BPTF: variants seen among roughly 807,000 people sequenced by gnomAD.
BPTF encodes the protein bromodomain PHD finger transcription factor.
Under a neutral mutation model 292.5 loss-of-function variants are expected in BPTF, and 18 were observed. The observed-to-expected ratio is 0.06, with a 90% CI of 0.04 to 0.09. The LOEUF (loss-of-function observed/expected upper bound fraction) is 0.09. Ranked by LOEUF, BPTF falls within the 10% of genes least tolerant of loss-of-function variation. The probability of loss-of-function intolerance (pLI) is 1.00; values close to 1 mark genes in which losing one functional copy is unlikely to be tolerated. For missense variants in BPTF, 2,726 were observed against 3,498.7 expected (o/e 0.78, Z 5.57); for synonymous variants, 1,225 against 1,251.9 (o/e 0.98, Z 0.45).
Position 67,886,375 on chromosome 17 carries a change from T to TTTGTG in BPTF, c.1865-5468_1865-5467insTGTGT, listed in dbSNP as rs1555634839. On this transcript the variant is annotated intron_variant, in intron 4 of 27. Coordinates refer to ENST00000306378, the MANE Select transcript of BPTF (RefSeq NM_182641.4). ...AAGTTTTTTCTTTTTTTTCTTTTTT[T>TTTGTG]TGTGTGTGTGTGTGTGGTTTTTTGC... 11 of 1,221,650 alleles carry TTTGTG rather than the reference T, an allele frequency of 9.0e-6. No individual in the cohort carries two copies. The African/African-American group carries it at 1.5e-4, about 17-fold the overall frequency. 75.7% of individuals were successfully genotyped at this position (1,221,650 alleles called of 1,614,324 possible).
chr17:67,916,270 A>G (rs1294720408), intron 11 of BPTF, among the ~76,000 whole-genome samples: 3 of 152,178 alleles, frequency 2.0e-5, no homozygotes, highest in Admixed American at 6.5e-5. Context: ...TTTCTCTTTC[A>G]CAGTGTTCAT....
intron 1 of BPTF, among the ~76,000 whole-genome samples, chr17:67,829,538 T>G (rs1296635134): frequency 6.8e-6 from 1 of 146,656 alleles, no homozygotes; most frequent in Non-Finnish European, 1.5e-5. Flanking sequence ...CTGGAATGAG[T>G]AACAATGCAT....
chr17:67,893,688 C>T lies in BPTF; in HGVS notation c.2374C>T (p.Pro792Ser). ...TATCACCCAATTAGAAAACAACATC[C>T]CTTCATCCTTTCTTCATCCCAACTG... is the stretch of plus-strand genomic sequence containing the variant. ...LTITQLENNI[P>S]SSFLHPNWAS... The change falls in exon 6 of 28, where the codon CCT becomes TCT. Residue 792 changes from proline (P) to serine (S), a missense_variant. Around this residue, in one of 22 missense-constraint regions of BPTF, gnomAD observed 99 missense variants for 227.1 expected, o/e 0.44. Transcript: ENST00000306378. 1.2e-6 allele frequency: 2 copies of T among 1,609,334 alleles called. No individual in the cohort carries two copies. Among genetic ancestry groups the T allele is most frequent in the South Asian group, 2.2e-5 (2 of 90,656 alleles).
At chr17:67,841,867 A>G (rs8067892) in intron 1 of BPTF, among the ~76,000 whole-genome samples, 46,265 of 151,460 alleles carry the variant, frequency 0.31, 8,404 homozygotes, top group East Asian at 0.66. Flanking sequence ...CTCTTTTTTG[A>G]GGGGTTTCTT....
chr17:67,873,254 T>TC (rs1487813901), intron 3 of BPTF, among the ~76,000 whole-genome samples: 1 of 151,904 alleles, frequency 6.6e-6, no homozygotes, highest in African/African-American at 2.4e-5. Context: ...GGTCAGGAGT[T>TC]CAAGACCAGC....
intron 21 of BPTF, among the ~76,000 whole-genome samples, chr17:67,947,138 T>C (rs1163483356): frequency 6.6e-6 from 1 of 152,202 alleles, no homozygotes; most frequent in East Asian, 1.9e-4. Context: ...TTAAATGAGG[T>C]CATAAATGTA....
chr17:67,909,746 G>C lies in BPTF; in HGVS notation c.2977G>C (p.Glu993Gln). The change falls in exon 10 of 28, where the codon GAG becomes CAG. Residue 993 changes from glutamate (E) to glutamine (Q), a missense_variant. Transcript: ENST00000306378. ...TGAAATGGATATCTCAAAGATTACTGAGAAGAAGGACCAAGGTAAGGAGAG... is the reference window on the plus strand; with the variant it reads ...TGAAATGGATATCTCAAAGATTACTCAGAAGAAGGACCAAGGTAAGGAGAG... Reference protein sequence around the residue: ...QNEMDISKITEKKDQDVKELL... With the variant: ...QNEMDISKITQKKDQDVKELL... 1 of 1,573,144 alleles carries C rather than the reference G, an allele frequency of 6.4e-7. No individual in the cohort carries two copies.
chr17:67,923,048 A>G, intron 14 of BPTF, 58 bp downstream of exon 14: 4 of 1,514,060 alleles, frequency 2.6e-6, no homozygotes, highest in Non-Finnish European at 3.6e-6. Flanking sequence ...TTCAGAATCA[A>G]TAAATTACTT....
intron 18 of BPTF, chr17:67,936,504 A>G (rs149258479): frequency 2.6e-5 from 4 of 152,280 alleles, no homozygotes; most frequent in Non-Finnish European, 4.4e-5. Flanking sequence ...ATAATGCCCT[A>G]TGTAGCTGTA....
chr17:67,949,676 C>CACACACATACATATATATAT (rs1555677370), intron 23 of BPTF, among the ~76,000 whole-genome samples: 8 of 28,002 alleles, frequency 2.9e-4, no homozygotes, highest in Non-Finnish European at 1.6e-3. Flanking sequence ...TATATATATA[C>CACACACATACATATATATAT]ACACAGACAT....
chr17:67,872,443 G>A (rs1022085847), intron 3 of BPTF, among the ~76,000 whole-genome samples: 1 of 152,246 alleles, frequency 6.6e-6, no homozygotes, highest in African/African-American at 2.4e-5. Context: ...GCCGGGCGTG[G>A]TGGCTCACAC....
chr17:67,972,102 G>A (rs1341992144), intron 26 of BPTF, among the ~76,000 whole-genome samples: 2 of 152,096 alleles, frequency 1.3e-5, no homozygotes, highest in Admixed American at 6.5e-5. Context: ...TAATAGGCCA[G>A]TGTTACCATT....
At chr17:67,935,133 A>G (rs1470910792) in intron 18 of BPTF, among the ~76,000 whole-genome samples, 3 of 151,926 alleles carry the variant, frequency 2.0e-5, no homozygotes, top group Admixed American at 6.6e-5. Context: ...AAGTTTCGAA[A>G]GAAAACAAGA....
At chr17:67,876,789 G>T (rs2060075447) in intron 4 of BPTF, among the ~76,000 whole-genome samples, 2 of 151,852 alleles carry the variant, frequency 1.3e-5, no homozygotes, top group Non-Finnish European at 1.5e-5. Flanking sequence ...CTGGGCGACA[G>T]AGCAAGACTT....
chr17:67,853,978 A>G lies in BPTF; in HGVS notation c.652A>G (p.Ile218Val). 1 of 1,614,090 alleles carries G rather than the reference A, an allele frequency of 6.2e-7. No homozygotes were observed. Among genetic ancestry groups the G allele is most frequent in the Non-Finnish European group, 8.5e-7 (1 of 1,179,942 alleles). Residue 218 changes from isoleucine (I) to valine (V), a missense_variant, in exon 2 of 28, where the codon ATA becomes GTA. This residue lies in a region of BPTF where 153 missense variants were observed against 178.3 expected (regional missense o/e 0.86). Coordinates refer to ENST00000306378, the MANE Select transcript of BPTF (RefSeq NM_182641.4). ...KPRVHRPRSP[I>V]LEEKDIPPLE... Reference sequence around the variant, plus strand: ...AAGAGTACATCGGCCTCGTTCTCCTATATTGGAAGAAAAAGACATCCCGCC... The same window carrying G: ...AAGAGTACATCGGCCTCGTTCTCCTGTATTGGAAGAAAAAGACATCCCGCC...
Position 67,979,125 on chromosome 17 carries a change from A to ATG in BPTF, c.8727-3126_8727-3125dup, listed in dbSNP as rs1344728352. 1.1e-4 allele frequency among the ~76,000 whole-genome samples: 15 copies of ATG among 132,726 alleles called. No individual in the cohort carries two copies. The Admixed American group carries it at 1.4e-3, about 12-fold the overall frequency. 87.1% of individuals were successfully genotyped at this position (132,726 alleles called of 152,430 possible). ...GTAGACGCTGCAGTGAGCCATCTTC[A>ATG]TGCCACTGCACTCCAGCCTGGAAGA... On this transcript the variant is annotated intron_variant, in intron 27 of 27. Transcript: ENST00000306378.
At chr17:67,875,369 A>C (rs747915677) in intron 4 of BPTF, among the ~76,000 whole-genome samples, 1 of 152,208 alleles carries the variant, frequency 6.6e-6, no homozygotes, top group Non-Finnish European at 1.5e-5. Flanking sequence ...TTAATATATT[A>C]TTAAATATTC....
chr17:67,950,262 G>A (rs1460640919), intron 23 of BPTF, among the ~76,000 whole-genome samples: 2 of 149,180 alleles, frequency 1.3e-5, no homozygotes, highest in African/African-American at 2.5e-5. Context: ...CTGTCCCCCC[G>A]CCCCCACCGC....
intron 9 of BPTF, among the ~76,000 whole-genome samples, chr17:67,906,168 C>T (rs1156994206): frequency 1.3e-5 from 2 of 152,006 alleles, no homozygotes; most frequent in Non-Finnish European, 2.9e-5. Flanking sequence ...GCAACCTCCG[C>T]CTCCTGGGTT....
Sources: allele counts gnomAD v4.1 joint callset (sites outside exome capture counted in the v4.1 genomes callset), GRCh38; gene constraint gnomAD v4.1.1; regional missense constraint gnomAD v4.1.1; transcripts MANE v1.5; gene names NCBI Gene and HGNC (gene_info 2026-07-23, HGNC 2026-07-21).